LIN9: variants seen among roughly 807,000 people sequenced by gnomAD.
LIN9 encodes the protein lin-9 DREAM MuvB core complex component.
LIN9 carries 18 observed loss-of-function variants against 78.0 expected under a neutral mutation model. The observed-to-expected ratio is 0.23, with a 90% CI of 0.16 to 0.34. The LOEUF (loss-of-function observed/expected upper bound fraction) is 0.34. LIN9 is among the 10% of genes least tolerant of loss of function. The pLI is 1.00. For synonymous variants in LIN9, 192 were observed against 215.2 expected (o/e 0.89, Z 0.94); for missense variants, 451 against 644.1 (o/e 0.70, Z 3.25).
chr1:226,278,424 C>G (rs1355740762), intron 6 of LIN9, among the ~76,000 whole-genome samples: 2 of 150,926 alleles, frequency 1.3e-5, no homozygotes, highest in Non-Finnish European at 3.0e-5. Flanking sequence ...AGTGAGACTC[C>G]ATCTTAAAAA....
chr1:226,306,226 G>A (rs904606695), intron 1 of LIN9, among the ~76,000 whole-genome samples: 6 of 152,036 alleles, frequency 3.9e-5, no homozygotes, highest in Non-Finnish European at 7.4e-5. Context: ...TCAGGAGGCC[G>A]AGGCAGGAGA....
At chr1:226,234,900 T>C (rs1180074125) in intron 12 of LIN9, among the ~76,000 whole-genome samples, 1 of 150,472 alleles carries the variant, frequency 6.6e-6, no homozygotes, top group African/African-American at 2.4e-5. Flanking sequence ...TAAATTTTTT[T>C]TTTTTTTTTT....
At chr1:226,239,752 G>C (rs921932043) in intron 11 of LIN9, among the ~76,000 whole-genome samples, 6 of 152,106 alleles carry the variant, frequency 3.9e-5, no homozygotes, top group African/African-American at 1.2e-4. Flanking sequence ...ACTTTTTATT[G>C]TGTCATCATT....
At chr1:226,256,949 A>T (rs189953958) in intron 10 of LIN9, among the ~76,000 whole-genome samples, 2 of 151,482 alleles carry the variant, frequency 1.3e-5, no homozygotes, top group Non-Finnish European at 2.9e-5. Context: ...GCCTTGTAAG[A>T]AATGATTTTT....
At position 226,293,870 on chromosome 1, in the gene LIN9, A is replaced by G. The variant is rs567671592; in HGVS notation, c.264+1972T>C. On this transcript the variant is annotated intron_variant, in intron 4 of 14. Transcript: ENST00000681046. ...AGATGCTTATGTGCACTTGTCCTTG[A>G]CAACTTTTTTTTTTGAAGTTCAAGA... Among the ~76,000 whole-genome samples the G allele has an allele frequency of 5.9e-5, 9 of 152,294 alleles. No homozygotes were observed. The South Asian group carries it at 1.9e-3, about 32-fold the overall frequency.
intron 4 of LIN9, among the ~76,000 whole-genome samples, chr1:226,291,611 T>A (rs921829645): frequency 2.0e-5 from 3 of 152,160 alleles, no homozygotes; most frequent in Non-Finnish European, 4.4e-5. Context: ...GTCAAAATTT[T>A]AAAATTTTTA....
chr1:226,277,966 A>G (rs751669853), intron 6 of LIN9, 34 bp from the exon 7 acceptor site: 1 of 1,508,180 alleles, frequency 6.6e-7, no homozygotes, highest in Non-Finnish European at 9.0e-7. Flanking sequence ...ACAAACTGAT[A>G]ACTACCCCAT....
chr1:226,253,447 C>T (rs1658977556), intron 10 of LIN9, among the ~76,000 whole-genome samples: 1 of 151,496 alleles, frequency 6.6e-6, no homozygotes, highest in African/African-American at 2.4e-5. Flanking sequence ...GCTCGCACCA[C>T]CACGCCTGGA....
chr1:226,275,560 G>T (rs1241195354), intron 7 of LIN9, among the ~76,000 whole-genome samples: 1 of 151,880 alleles, frequency 6.6e-6, no homozygotes, highest in Non-Finnish European at 1.5e-5. Context: ...GGGTGTGGTG[G>T]CGTGCACCTG....
At chr1:226,248,827 CATA>C (rs1351877301) in intron 11 of LIN9, among the ~76,000 whole-genome samples, 2 of 152,082 alleles carry the variant, frequency 1.3e-5, no homozygotes, top group Non-Finnish European at 2.9e-5. Flanking sequence ...TAAATCATTT[CATA>C]ATATTTGAAT....
At chr1:226,250,533 T>TTGTATGTATGTA (rs376646974) in intron 11 of LIN9, among the ~76,000 whole-genome samples, 78 of 152,308 alleles carry the variant, frequency 5.1e-4, no homozygotes, top group African/African-American at 1.8e-3. Context: ...AGATTTACTG[T>TTGTATGTATGTA]TGTATGTATG....
At chr1:226,263,156 CAGA>C (rs1240187194) in intron 10 of LIN9, among the ~76,000 whole-genome samples, 2 of 152,096 alleles carry the variant, frequency 1.3e-5, no homozygotes, top group African/African-American at 4.8e-5. Context: ...AGGTGAAACA[CAGA>C]AGATTTTTAG....
At chr1:226,244,503 G>C (rs1658335010) in intron 11 of LIN9, among the ~76,000 whole-genome samples, 1 of 152,076 alleles carries the variant, frequency 6.6e-6, no homozygotes, top group South Asian at 2.1e-4. Context: ...AATAAGGTGA[G>C]GCATTTGAAC....
chr1:226,303,502 A>T (rs1662694917), intron 1 of LIN9, among the ~76,000 whole-genome samples: 1 of 152,270 alleles, frequency 6.6e-6, no homozygotes, highest in Non-Finnish European at 1.5e-5. Context: ...AGGAAGAGGT[A>T]TATAGGCCAT....
intron 10 of LIN9, among the ~76,000 whole-genome samples, chr1:226,254,873 TAC>T (rs1659083946): frequency 7.6e-6 from 1 of 132,290 alleles, no homozygotes; most frequent in Admixed American, 8.8e-5. Context: ...ATCGTGCCAC[TAC>T]ACTCTTGCCT....
At chr1:226,288,284 T>C (rs1437252121) in intron 4 of LIN9, among the ~76,000 whole-genome samples, 3 of 152,118 alleles carry the variant, frequency 2.0e-5, no homozygotes, top group East Asian at 3.8e-4. Flanking sequence ...GATGGATACT[T>C]TTTTAACCTA....
chr1:226,254,368 T>G (rs1040815525), intron 10 of LIN9, among the ~76,000 whole-genome samples: 10 of 152,180 alleles, frequency 6.6e-5, no homozygotes, highest in African/African-American at 2.4e-4. Context: ...AGAGCAAAAC[T>G]GAGAGTTTTA....
chr1:226,294,565 C>CT (rs1485360349), intron 4 of LIN9, among the ~76,000 whole-genome samples: 4 of 149,612 alleles, frequency 2.7e-5, no homozygotes, highest in Non-Finnish European at 5.9e-5. Flanking sequence ...GAGCAAAACT[C>CT]TGTCTCAAAA....
At chr1:226,276,728 T>C (rs140900562) in intron 7 of LIN9, among the ~76,000 whole-genome samples, 167 of 152,282 alleles carry the variant, frequency 1.1e-3, no homozygotes, top group African/African-American at 3.9e-3. Context: ...ACTAGCCTAT[T>C]CTATCCACTT....
Sources: allele counts gnomAD v4.1 joint callset (sites outside exome capture counted in the v4.1 genomes callset), GRCh38; gene constraint gnomAD v4.1.1; transcripts MANE v1.5; gene names NCBI Gene and HGNC (gene_info 2026-07-23, HGNC 2026-07-21).